Variants in DMD observed in about 807,000 individuals in gnomAD.
DMD encodes dystrophin.
Under a neutral mutation model 330.1 loss-of-function variants are expected in DMD, and 63 were observed. The observed-to-expected ratio is 0.19, with a 90% CI of 0.16 to 0.24. The LOEUF is 0.24. Among genes scored for constraint, DMD ranks in the 10% least tolerant of loss-of-function variants. The probability of loss-of-function intolerance (pLI) is 1.00; values close to 1 mark genes in which losing one functional copy is unlikely to be tolerated. For synonymous variants in DMD, 1,223 were observed against 959.8 expected (o/e 1.27, Z -5.07); for missense variants, 3,344 against 2,684.1 (o/e 1.25, Z -5.43).
chrX:32,614,961 A>G (rs1429043270), intron 11 of DMD, among the ~76,000 whole-genome samples: 1 of 110,349 alleles, frequency 9.1e-6, no homozygotes, highest in Non-Finnish European at 1.9e-5. Context: ...CAGCATTTGT[A>G]TTTCTTCCTC....
In DMD at chrX:33,045,315, T is replaced by TGTACACACAC. The variant is rs367624571; in HGVS notation, c.32-25116_32-25115insGTGTGTGTAC. Among the ~76,000 whole-genome samples, 98 of 96,739 alleles carry TGTACACACAC rather than the reference T, an allele frequency of 1.0e-3. 1 individual carries two copies. Among genetic ancestry groups the TGTACACACAC allele is most frequent in the African/African-American group, 3.6e-3 (96 of 26,477 alleles). 84.0% of individuals were successfully genotyped at this position (96,739 alleles called of 115,157 possible). On this transcript the variant is annotated intron_variant, in intron 1 of 78. Transcript: ENST00000357033. ...TCAGAACTACACACACACAGGTGCG[T>TGTACACACAC]ACACACACACACACACACACACACA...
In DMD at chrX:32,926,564, A is replaced by G. The variant is rs1487080754; in HGVS notation, c.94-76744T>C. 7.2e-5 allele frequency among the ~76,000 whole-genome samples: 8 copies of G among 110,602 alleles called. No individual in the cohort carries two copies. The Admixed American group carries it at 7.7e-4, about 11-fold the overall frequency. On this transcript the variant is annotated intron_variant, in intron 2 of 78. Coordinates refer to ENST00000357033, the MANE Select transcript of DMD (RefSeq NM_004006.3). The stretch of plus-strand genomic sequence containing the variant: ...CAGGAGTTCCTGACCAGCCTGGGCA[A>G]CATAGTGAAACCCCGTCTCTACTAA...
At chrX:31,225,480 T>A (rs1446211190) in intron 63 of DMD, among the ~76,000 whole-genome samples, 2 of 112,335 alleles carry the variant, frequency 1.8e-5, no homozygotes, top group Admixed American at 9.4e-5. Flanking sequence ...TTAAGAAGAA[T>A]CCAGTAGGTT....
intron 17 of DMD, among the ~76,000 whole-genome samples, chrX:32,539,543 T>A (rs772464245): frequency 2.7e-5 from 3 of 111,380 alleles, no homozygotes; most frequent in African/African-American, 9.8e-5. Flanking sequence ...CACGGACACA[T>A]TAATTATCTA....
intron 2 of DMD, among the ~76,000 whole-genome samples, chrX:33,010,339 CAT>C (rs34025644): frequency 0.036 from 3,797 of 104,158 alleles, 111 homozygotes; most frequent in East Asian, 0.17. Context: ...TATATATGTA[CAT>C]ATATATGTGT....
chrX:32,609,624 T>C (rs956712290), intron 12 of DMD, among the ~76,000 whole-genome samples: 2 of 111,424 alleles, frequency 1.8e-5, no homozygotes, highest in Non-Finnish European at 3.8e-5. Context: ...AACATCTAGA[T>C]CATTTTAAAG....
intron 60 of DMD, among the ~76,000 whole-genome samples, chrX:31,384,114 G>A (rs2060318909): frequency 9.0e-6 from 1 of 111,191 alleles, no homozygotes; most frequent in Non-Finnish European, 1.9e-5. Flanking sequence ...ACTGCCATGG[G>A]GCCCACACAG....
At chrX:31,592,327 C>A (rs1454669424) in intron 55 of DMD, among the ~76,000 whole-genome samples, 1 of 102,612 alleles carries the variant, frequency 9.7e-6, no homozygotes, top group Non-Finnish European at 2.0e-5. Flanking sequence ...CTCTAGTAGG[C>A]ACAGTAAAAA....
chrX:31,981,698 T>G (rs767499157), intron 44 of DMD, among the ~76,000 whole-genome samples: 21 of 111,394 alleles, frequency 1.9e-4, no homozygotes, highest in South Asian at 3.8e-4. Flanking sequence ...GCTTGTCTGC[T>G]CTGTCAAGGA....
At chrX:32,470,940 A>G (rs780420449) in intron 22 of DMD, among the ~76,000 whole-genome samples, 41 of 111,962 alleles carry the variant, frequency 3.7e-4, no homozygotes, top group Non-Finnish European at 6.6e-4. Context: ...TCATGTCTTC[A>G]GAAATAAAAA....
chrX:31,251,749 A>C (rs2049388113), intron 63 of DMD, among the ~76,000 whole-genome samples: 1 of 112,436 alleles, frequency 8.9e-6, no homozygotes, highest in African/African-American at 3.2e-5. Context: ...GAAATATTGG[A>C]AATGTCTGAA....
intron 1 of DMD, among the ~76,000 whole-genome samples, chrX:33,182,170 T>C (rs1235767412): frequency 8.9e-6 from 1 of 112,256 alleles, no homozygotes; most frequent in African/African-American, 3.2e-5. Flanking sequence ...CACTCATGTC[T>C]TGGATAGATT....
chrX:32,774,392 C>T (rs1008111533), intron 7 of DMD, among the ~76,000 whole-genome samples: 4 of 111,644 alleles, frequency 3.6e-5, no homozygotes, highest in Admixed American at 1.9e-4. Flanking sequence ...TTTATTCTTT[C>T]TAGGTAGTTC....
At chrX:32,101,820 C>A (rs187983755) in intron 44 of DMD, among the ~76,000 whole-genome samples, 1 of 111,191 alleles carries the variant, frequency 9.0e-6, no homozygotes, top group African/African-American at 3.3e-5. Flanking sequence ...TAATCCCCAA[C>A]GTGGCAGCAC....
At chrX:31,712,471 AC>A (rs1345543697) in intron 52 of DMD, among the ~76,000 whole-genome samples, 2 of 111,826 alleles carry the variant, frequency 1.8e-5, no homozygotes, top group Non-Finnish European at 3.8e-5. Flanking sequence ...GCTCCAGGTT[AC>A]CACACACTTT....
intron 11 of DMD, among the ~76,000 whole-genome samples, chrX:32,624,365 G>A (rs1410128741): frequency 9.0e-6 from 1 of 111,688 alleles, no homozygotes; most frequent in Non-Finnish European, 1.9e-5. Context: ...GAACTGCTAC[G>A]GTAAACTTCC....
At chrX:32,631,982 A>G (rs5927092) in intron 11 of DMD, among the ~76,000 whole-genome samples, 15,717 of 110,938 alleles carry the variant, frequency 0.14, 1,012 homozygotes, top group African/African-American at 0.25. Flanking sequence ...CAAGGTCTTT[A>G]CTTATTCCAG....
intron 42 of DMD, among the ~76,000 whole-genome samples, chrX:32,297,062 G>A (rs1179195898): frequency 1.8e-5 from 2 of 109,463 alleles, no homozygotes; most frequent in Non-Finnish European, 3.8e-5. Flanking sequence ...TCCCTCCTTG[G>A]CAGGATTCAG....
intron 34 of DMD, among the ~76,000 whole-genome samples, chrX:32,368,326 A>T (rs1569559994): frequency 1.8e-5 from 2 of 109,395 alleles, no homozygotes; most frequent in Non-Finnish European, 3.8e-5. Flanking sequence ...AAAAAATCAC[A>T]TTTTTTTTTG....
Sources: allele counts gnomAD v4.1 joint callset (sites outside exome capture counted in the v4.1 genomes callset), GRCh38; gene constraint gnomAD v4.1.1; transcripts MANE v1.5; gene names NCBI Gene and HGNC (gene_info 2026-07-23, HGNC 2026-07-21).